Variants in FAM13A observed in about 807,000 individuals in gnomAD.
FAM13A encodes protein FAM13A.
In FAM13A, 76 loss-of-function variants were observed where a neutral mutation model predicts 129.6. The observed-to-expected ratio is 0.59, with a 90% CI of 0.49 to 0.71. The LOEUF is 0.71. FAM13A is among the 30% of genes least tolerant of loss of function. FAM13A has a pLI of 0.00. For synonymous variants in FAM13A, 443 were observed against 449.9 expected, an observed-to-expected ratio of 0.98 and a Z score of 0.20; for missense variants, 1,108 against 1,249.3, an observed-to-expected ratio of 0.89 and a Z score of 1.70.
chr4:88,820,211 C>T (rs894613035), intron 7 of FAM13A, among the ~76,000 whole-genome samples: 1 of 152,048 alleles, frequency 6.6e-6, no homozygotes, highest in Non-Finnish European at 1.5e-5. Flanking sequence ...ACAAACATGC[C>T]CCTAATAAAA....
At chr4:88,777,741 C>G (rs1722054334) in intron 11 of FAM13A, among the ~76,000 whole-genome samples, 1 of 152,186 alleles carries the variant, frequency 6.6e-6, no homozygotes, top group South Asian at 2.1e-4. Flanking sequence ...CACTGTGAAG[C>G]CATTTACTCA....
intron 1 of FAM13A, among the ~76,000 whole-genome samples, chr4:89,048,058 C>G (rs1477416500): frequency 6.6e-6 from 1 of 152,152 alleles, no homozygotes; most frequent in Non-Finnish European, 1.5e-5. Context: ...GGTACAACCA[C>G]TTTGGAAAAA....
intron 7 of FAM13A, among the ~76,000 whole-genome samples, chr4:88,849,465 T>C (rs1368415102): frequency 1.3e-5 from 2 of 152,218 alleles, no homozygotes; most frequent in Non-Finnish European, 2.9e-5. Flanking sequence ...GCATTTGCTA[T>C]TATCTCTGCC....
intron 8 of FAM13A, among the ~76,000 whole-genome samples, chr4:88,801,681 A>G (rs777523040): frequency 1.3e-4 from 20 of 152,200 alleles, no homozygotes; most frequent in Non-Finnish European, 2.1e-4. Context: ...TCAGATTTTG[A>G]TAAAGCACAT....
intron 8 of FAM13A, among the ~76,000 whole-genome samples, chr4:88,802,004 G>T (rs899879984): frequency 1.3e-5 from 2 of 152,042 alleles, no homozygotes; most frequent in African/African-American, 4.8e-5. Flanking sequence ...CCAGGTAAAA[G>T]AATGCAGACA....
At chr4:88,892,666 T>C (rs1745549726) in intron 6 of FAM13A, among the ~76,000 whole-genome samples, 1 of 152,178 alleles carries the variant, frequency 6.6e-6, no homozygotes, top group Non-Finnish European at 1.5e-5. Context: ...AAGTCAGATG[T>C]AGAAATTTTC....
In FAM13A at chr4:88,747,802, C is replaced by T; in HGVS notation, c.2211G>A (p.Gln737=). The T allele has an allele frequency of 4.3e-6, 7 of 1,614,212 alleles. No homozygotes were observed. Among genetic ancestry groups the T allele is most frequent in the Non-Finnish European group, 5.9e-6 (7 of 1,179,996 alleles). Reference sequence around the variant, plus strand: ...AACTCTTGGGGAGTGTGTTGCTTCGCTGCCGCATCCTGGGAGTTAGGTCCT... The same window carrying T: ...AACTCTTGGGGAGTGTGTTGCTTCGTTGCCGCATCCTGGGAGTTAGGTCCT... ...SEEDLTPRMR[Q]RSNTLPKSFG... Residue 737 remains glutamine, a synonymous_variant, in exon 18 of 24, where the codon CAG becomes CAA. Transcript: ENST00000264344.
chr4:88,835,404 C>T (rs1317824451), intron 7 of FAM13A, among the ~76,000 whole-genome samples: 1 of 151,406 alleles, frequency 6.6e-6, no homozygotes, highest in African/African-American at 2.4e-5. Context: ...CACTCTACAT[C>T]AGTGGTCCTC....
chr4:88,844,724 G>GC (rs1736367012), intron 7 of FAM13A, among the ~76,000 whole-genome samples: 1 of 152,172 alleles, frequency 6.6e-6, no homozygotes, highest in South Asian at 2.1e-4. Context: ...GCACAAGAAA[G>GC]CCATTATATA....
intron 3 of FAM13A, among the ~76,000 whole-genome samples, chr4:88,999,960 G>A (rs1764030579): frequency 6.6e-6 from 1 of 152,042 alleles, no homozygotes; most frequent in Non-Finnish European, 1.5e-5. Context: ...TAACTCACTT[G>A]TTGACTATGT....
intron 7 of FAM13A, among the ~76,000 whole-genome samples, chr4:88,823,573 C>T (rs1732459688): frequency 6.6e-6 from 1 of 152,196 alleles, no homozygotes; most frequent in African/African-American, 2.4e-5. Context: ...TTCCATTTGT[C>T]AAGGAAAGAC....
chr4:88,848,980 T>C (rs1737120185), intron 7 of FAM13A, among the ~76,000 whole-genome samples: 1 of 152,202 alleles, frequency 6.6e-6, no homozygotes, highest in Non-Finnish European at 1.5e-5. Context: ...AGGGGCACCC[T>C]TATCTCTATT....
chr4:88,954,714 C>T (rs923700527), intron 4 of FAM13A, among the ~76,000 whole-genome samples: 8 of 151,920 alleles, frequency 5.3e-5, no homozygotes, highest in African/African-American at 1.7e-4. Context: ...GCAAAAACCT[C>T]GTCTCTACTT....
At chr4:88,791,630 T>C (rs1332401197) in intron 8 of FAM13A, among the ~76,000 whole-genome samples, 1 of 152,144 alleles carries the variant, frequency 6.6e-6, no homozygotes, top group Non-Finnish European at 1.5e-5. Context: ...TAATAGTTCT[T>C]TTCTTTCTTT....
intron 6 of FAM13A, among the ~76,000 whole-genome samples, chr4:88,902,774 G>A (rs959435132): frequency 6.6e-6 from 1 of 152,144 alleles, no homozygotes; most frequent in African/African-American, 2.4e-5. Context: ...TCTGGCAAGA[G>A]AAAGAAATAA....
intron 5 of FAM13A, among the ~76,000 whole-genome samples, chr4:88,924,639 CA>C (rs1194323847): frequency 3.9e-5 from 6 of 152,176 alleles, no homozygotes; most frequent in African/African-American, 1.4e-4. Context: ...AGGACATAGG[CA>C]TGGGCAAGGA....
intron 4 of FAM13A, among the ~76,000 whole-genome samples, chr4:88,970,015 C>A (rs776545685): frequency 6.6e-6 from 1 of 152,202 alleles, no homozygotes; most frequent in Non-Finnish European, 1.5e-5. Context: ...GGTCACCCAG[C>A]CTCTTGCTAT....
intron 12 of FAM13A, 83 bp downstream of exon 12, chr4:88,767,898 TAG>T: frequency 1.2e-6 from 1 of 839,948 alleles, no homozygotes; most frequent in Admixed American, 1.9e-5. Flanking sequence ...CCATTCTTTT[TAG>T]TTCTTATAAT....
In FAM13A at chr4:88,787,936, G is replaced by A; in HGVS notation, c.1092-4C>T. On this transcript the variant is annotated splice_polypyrimidine_tract_variant and splice_region_variant and intron_variant, in intron 9 of 23. Transcript: ENST00000264344. ...TCGGATGGTTCTTTCTAAGAGTCTG[G>A]CAAAAAAGAATGCAGAGTCATTCAA... The A allele has an allele frequency of 1.9e-6, 3 of 1,604,722 alleles. No homozygotes were observed. Among genetic ancestry groups the A allele is most frequent in the South Asian group, 1.1e-5 (1 of 89,632 alleles).
Sources: gnomAD v4.1 joint callset for allele counts (sites outside exome capture counted in the v4.1 genomes callset) on GRCh38, gnomAD v4.1.1 for gene constraint, MANE v1.5 for transcripts, NCBI Gene and HGNC (gene_info 2026-07-23, HGNC 2026-07-21) for gene names.